The following TLN2 variants were observed in gnomAD, a reference collection of about 807,000 sequenced individuals.
The protein encoded by TLN2 is talin 2, also known as talin-2.
Under a neutral mutation model 294.7 loss-of-function variants are expected in TLN2, and 118 were observed. The observed-to-expected ratio is 0.40, with a 90% CI of 0.34 to 0.47. TLN2 has a LOEUF of 0.47. Ranked by LOEUF, TLN2 falls within the 20% of genes least tolerant of loss-of-function variation. The probability of loss-of-function intolerance (pLI) is 0.84; values close to 1 mark genes in which losing one functional copy is unlikely to be tolerated. For synonymous variants in TLN2, 1,431 were observed against 1,304.5 expected, an observed-to-expected ratio of 1.10 and a Z score of -2.09; for missense variants, 3,083 against 3,282.2, an observed-to-expected ratio of 0.94 and a Z score of 1.48.
Position 62,840,751 on chromosome 15 carries a change from C to T in TLN2, c.*141C>T. ...CTGGAGCCCTGCGTGCTTGTTCTCA[C>T]ATCTCTGTCCCGTCGGCACTGGCTG... On this transcript the variant is annotated 3_prime_UTR_variant, in exon 59 of 59. Transcript: ENST00000636159. The T allele has an allele frequency of 8.4e-7, 1 of 1,195,698 alleles. No individual in the cohort carries two copies. Among genetic ancestry groups the T allele is most frequent in the African/African-American group, 1.5e-5 (1 of 64,934 alleles). 74.1% of individuals were successfully genotyped at this position (1,195,698 alleles called of 1,614,324 possible). A position where few individuals can be genotyped will look rare whatever the true frequency, so the allele number is the denominator to read the frequency against.
chr15:62,766,025 C>A (rs1240743421), intron 40 of TLN2, among the ~76,000 whole-genome samples: 1 of 152,198 alleles, frequency 6.6e-6, no homozygotes, highest in African/African-American at 2.4e-5. Context: ...TTCCGCATGT[C>A]TACTAATTCC....
chr15:62,522,383 G>T (rs1322729907), intron 1 of TLN2, among the ~76,000 whole-genome samples: 1 of 152,196 alleles, frequency 6.6e-6, no homozygotes, highest in Non-Finnish European at 1.5e-5. Flanking sequence ...CTTCATCCAG[G>T]ATTGGTTTCT....
At chr15:62,805,499 G>C in intron 50 of TLN2, 101 bp from the exon 51 acceptor site, 1 of 1,253,380 alleles carries the variant, frequency 8.0e-7, no homozygotes, top group Non-Finnish European at 1.1e-6. Flanking sequence ...CCAGTTACTG[G>C]CTCAGTTTTC....
At chr15:62,481,453 C>G (rs923979906) in intron 1 of TLN2, among the ~76,000 whole-genome samples, 2 of 152,220 alleles carry the variant, frequency 1.3e-5, no homozygotes, top group Admixed American at 6.5e-5. Flanking sequence ...GTCGCGAACT[C>G]TTAGGCACAA....
intron 1 of TLN2, among the ~76,000 whole-genome samples, chr15:62,534,068 A>C (rs544186439): frequency 6.6e-5 from 10 of 152,278 alleles, no homozygotes; most frequent in Admixed American, 4.6e-4. Flanking sequence ...CAGCAGATCC[A>C]GTAGGAGCCT....
At chr15:62,509,877 G>A (rs2140449483) in intron 1 of TLN2, among the ~76,000 whole-genome samples, 1 of 152,284 alleles carries the variant, frequency 6.6e-6, no homozygotes, top group Admixed American at 6.5e-5. Flanking sequence ...CGGTGGCTTT[G>A]GATTCCGTGT....
At chr15:62,723,603 G>C (rs1285563338) in intron 26 of TLN2, among the ~76,000 whole-genome samples, 1 of 148,856 alleles carries the variant, frequency 6.7e-6, no homozygotes, top group Admixed American at 6.8e-5. Context: ...GAGTACAGTG[G>C]TGCAGTCATG....
At chr15:62,528,315 A>G (rs2040847985) in intron 1 of TLN2, among the ~76,000 whole-genome samples, 2 of 152,234 alleles carry the variant, frequency 1.3e-5, no homozygotes, top group South Asian at 4.1e-4. Context: ...TCACTAACAG[A>G]AAGGCTTACA....
chr15:62,436,515 A>G (rs2035294993), intron 1 of TLN2, among the ~76,000 whole-genome samples: 1 of 152,156 alleles, frequency 6.6e-6, no homozygotes, highest in African/African-American at 2.4e-5. Context: ...AGGAGGAGGA[A>G]GAGAGCTTTC....
In TLN2 at chr15:62,772,845, G is replaced by A. The variant is rs548071327; in HGVS notation, c.5367+1711G>A. On this transcript the variant is annotated intron_variant, in intron 42 of 58. Transcript: ENST00000636159. Reference sequence around the variant, plus strand: ...ACCCAGCTAATTTTTTGTATTTTTAGTAGAGATGGGGTTTCACCATGTTGT... The same window carrying A: ...ACCCAGCTAATTTTTTGTATTTTTAATAGAGATGGGGTTTCACCATGTTGT... Among the ~76,000 whole-genome samples, 57 of 151,954 alleles carry A rather than the reference G, an allele frequency of 3.8e-4. 1 individual carries two copies. Among genetic ancestry groups the A allele is most frequent in the African/African-American group, 1.4e-3 (57 of 41,442 alleles).
chr15:62,573,341 C>A (rs1156354713), intron 1 of TLN2, among the ~76,000 whole-genome samples: 4 of 152,062 alleles, frequency 2.6e-5, no homozygotes, highest in Non-Finnish European at 1.5e-5. Flanking sequence ...GTTGTGCCCC[C>A]CTCTGCCCTC....
At chr15:62,703,406 A>AT (rs1567402711) in intron 19 of TLN2, among the ~76,000 whole-genome samples, 1 of 151,518 alleles carries the variant, frequency 6.6e-6, no homozygotes, top group African/African-American at 2.4e-5. Context: ...GGCCGTGATT[A>AT]TTTTTTTTGT....
intron 1 of TLN2, among the ~76,000 whole-genome samples, chr15:62,405,706 C>G (rs776153551): frequency 2.6e-5 from 4 of 152,062 alleles, no homozygotes; most frequent in African/African-American, 7.2e-5. Flanking sequence ...TTAACCAGCT[C>G]TTGGAGAAGC....
chr15:62,643,240 G>T (rs1378790033), intron 3 of TLN2, among the ~76,000 whole-genome samples: 3 of 151,894 alleles, frequency 2.0e-5, no homozygotes, highest in Admixed American at 2.0e-4. Flanking sequence ...CAAAGTATTG[G>T]CCTTTTAGAG....
chr15:62,706,265 A>C (rs568767163), intron 19 of TLN2, among the ~76,000 whole-genome samples: 1 of 152,232 alleles, frequency 6.6e-6, no homozygotes, highest in Non-Finnish European at 1.5e-5. Flanking sequence ...AATTGTAACC[A>C]TGGTTCTTCT....
chr15:62,694,265 C>T, intron 13 of TLN2, 51 bp from the exon 14 acceptor site: 1 of 1,579,986 alleles, frequency 6.3e-7, no homozygotes, highest in Non-Finnish European at 8.7e-7. Flanking sequence ...GCGTGAGCCA[C>T]CGCGCGTGGC....
At chr15:62,810,380 C>A (rs1271097106) in intron 52 of TLN2, among the ~76,000 whole-genome samples, 1 of 152,272 alleles carries the variant, frequency 6.6e-6, no homozygotes, top group South Asian at 2.1e-4. Context: ...TGTTAGGAAA[C>A]CCCCAGTACA....
At chr15:62,403,864 A>G (rs907080474) in intron 1 of TLN2, among the ~76,000 whole-genome samples, 13 of 152,046 alleles carry the variant, frequency 8.6e-5, no homozygotes, top group African/African-American at 2.9e-4. Flanking sequence ...TTATTTTTCT[A>G]TCATTTACTA....
intron 1 of TLN2, among the ~76,000 whole-genome samples, chr15:62,406,477 G>C (rs1433323991): frequency 6.6e-6 from 1 of 152,222 alleles, no homozygotes; most frequent in Non-Finnish European, 1.5e-5. Flanking sequence ...TTCTCCTGCA[G>C]AGTAGCACTA....
Sources: gnomAD v4.1 joint callset for allele counts (sites outside exome capture counted in the v4.1 genomes callset) on GRCh38, gnomAD v4.1.1 for gene constraint, MANE v1.5 for transcripts, NCBI Gene and HGNC (gene_info 2026-07-23, HGNC 2026-07-21) for gene names.